ANO3: variants seen among roughly 807,000 people sequenced by gnomAD.
ANO3 encodes anoctamin-3.
Under a neutral mutation model 144.8 loss-of-function variants are expected in ANO3, and 99 were observed. The ratio of observed to expected loss-of-function variants is 0.68; its 90% CI spans 0.58 to 0.81. The LOEUF is 0.81. Ranked by LOEUF, ANO3 falls within the 30% of genes least tolerant of loss-of-function variation. The probability of loss-of-function intolerance (pLI) is 0.00; values close to 1 mark genes in which losing one functional copy is unlikely to be tolerated. For synonymous variants in ANO3, 414 were observed against 392.6 expected (o/e 1.05, Z -0.64); for missense variants, 905 against 1,202.2 (o/e 0.75, Z 3.66).
At chr11:26,606,113 T>C (rs1048648503) in intron 17 of ANO3, among the ~76,000 whole-genome samples, 1 of 152,230 alleles carries the variant, frequency 6.6e-6, no homozygotes, top group Non-Finnish European at 1.5e-5. Flanking sequence ...TTTAGCTGTG[T>C]CCCAGAGATT....
intron 1 of ANO3, among the ~76,000 whole-genome samples, chr11:26,402,219 G>A (rs754928225): frequency 1.3e-5 from 2 of 152,066 alleles, no homozygotes; most frequent in South Asian, 2.1e-4. Context: ...TTACCACATC[G>A]TCTTCCACAG....
rs1251847989 is a variant in ANO3 at position 26,662,704 on chromosome 11, A to G, written c.*2260A>G. ...TGATTTATAAAATGCCTTCTCTGAT[A>G]CTTTTGAAACAGATGTGAAAAACAG... On this transcript the variant is annotated 3_prime_UTR_variant, in exon 27 of 27. Transcript: ENST00000256737. 1.3e-5 allele frequency: 2 copies of G among 152,048 alleles called. No homozygotes were observed. Among genetic ancestry groups the G allele is most frequent in the African/African-American group, 4.8e-5 (2 of 41,432 alleles). The allele number at this position is 152,048 out of a possible 1,614,324, so 9.4% of individuals were successfully genotyped here. A position where few individuals can be genotyped will look rare whatever the true frequency, so the allele number is the denominator to read the frequency against.
At chr11:26,212,131 A>G (rs552006350) in intron 1 of ANO3, among the ~76,000 whole-genome samples, 19 of 152,250 alleles carry the variant, frequency 1.2e-4, no homozygotes, top group African/African-American at 4.6e-4. Flanking sequence ...TGGGTGCAGC[A>G]AACCACAATG....
intron 10 of ANO3, among the ~76,000 whole-genome samples, chr11:26,539,664 T>C (rs1207669097): frequency 2.6e-5 from 4 of 152,188 alleles, no homozygotes; most frequent in African/African-American, 9.7e-5. Context: ...TCAAGGTGTC[T>C]TCTTTCCTTA....
chr11:26,400,623 T>G (rs1857122977), intron 1 of ANO3, among the ~76,000 whole-genome samples: 1 of 151,922 alleles, frequency 6.6e-6, no homozygotes, highest in Non-Finnish European at 1.5e-5. Flanking sequence ...ATATTTTTTC[T>G]TTCATTAATA....
At chr11:26,506,012 AAAAAAGAC>A (rs1463251628) in intron 4 of ANO3, among the ~76,000 whole-genome samples, 4 of 151,182 alleles carry the variant, frequency 2.6e-5, no homozygotes, top group African/African-American at 9.7e-5. Context: ...AAAAAAAAAA[AAAAAAGAC>A]AGCAAATTGA....
chr11:26,302,733 A>G (rs966048249), intron 1 of ANO3, among the ~76,000 whole-genome samples: 1 of 152,202 alleles, frequency 6.6e-6, no homozygotes, highest in African/African-American at 2.4e-5. Context: ...AGCACTTTTA[A>G]TATTCTGTAA....
At chr11:26,486,696 T>C (rs918459902) in intron 4 of ANO3, among the ~76,000 whole-genome samples, 3 of 152,160 alleles carry the variant, frequency 2.0e-5, no homozygotes, top group Admixed American at 6.5e-5. Flanking sequence ...ATACACTAAA[T>C]TGGTATGTTT....
intron 4 of ANO3, among the ~76,000 whole-genome samples, chr11:26,501,856 G>C (rs1317407305): frequency 6.6e-6 from 1 of 152,154 alleles, no homozygotes; most frequent in African/African-American, 2.4e-5. Flanking sequence ...TTTTACAATA[G>C]GGTGCTGGAA....
intron 23 of ANO3, among the ~76,000 whole-genome samples, chr11:26,644,077 C>T (rs1483398743): frequency 6.6e-6 from 1 of 152,186 alleles, no homozygotes; most frequent in Non-Finnish European, 1.5e-5. Context: ...AGCATAAAGG[C>T]ACTAAGACAA....
chr11:26,563,370 A>G (rs1336653924), intron 14 of ANO3: 2 of 1,163,600 alleles, frequency 1.7e-6, no homozygotes, highest in Admixed American at 5.8e-5. Context: ...ACATTTTAAA[A>G]TTAGATAATG....
At chr11:26,290,211 G>C (rs1853923465) in intron 1 of ANO3, among the ~76,000 whole-genome samples, 1 of 152,152 alleles carries the variant, frequency 6.6e-6, no homozygotes, top group Non-Finnish European at 1.5e-5. Flanking sequence ...GGTGTTTATA[G>C]TGTTCTCTGA....
chr11:26,285,855 A>T (rs1007183138), intron 1 of ANO3: 1 of 152,218 alleles, frequency 6.6e-6, no homozygotes, highest in Non-Finnish European at 1.5e-5. Context: ...TGCCATGGAA[A>T]GGTATGAATG....
At chr11:26,376,897 G>A (rs1291310550) in intron 1 of ANO3, among the ~76,000 whole-genome samples, 1 of 152,122 alleles carries the variant, frequency 6.6e-6, no homozygotes, top group Admixed American at 6.6e-5. Flanking sequence ...GCCATGCAAA[G>A]CAGAATTATT....
At chr11:26,447,667 A>ATT (rs200504180) in intron 3 of ANO3, among the ~76,000 whole-genome samples, 2 of 150,358 alleles carry the variant, frequency 1.3e-5, no homozygotes, top group South Asian at 2.1e-4. Flanking sequence ...AATGAGTTTG[A>ATT]TTTTTTTTTT....
At position 26,365,954 on chromosome 11, in the gene ANO3, TTATATATA is replaced by T. The variant is rs1158168765; in HGVS notation, c.46+33675_46+33682del. ...TTCCTCTCCCCAAACCATTTTTTCT[TTATATATA>T]TATATATATATATATATATATATAT... On this transcript the variant is annotated intron_variant, in intron 1 of 26. Transcript: ENST00000256737. 5.5e-3 allele frequency among the ~76,000 whole-genome samples: 301 copies of T among 54,334 alleles called. 2 individuals carry two copies. Among genetic ancestry groups the T allele is most frequent in the African/African-American group, 0.018 (262 of 14,892 alleles). 35.6% of individuals were successfully genotyped at this position (54,334 alleles called of 152,430 possible). A position where few individuals can be genotyped will look rare whatever the true frequency, so the allele number is the denominator to read the frequency against.
intron 24 of ANO3, among the ~76,000 whole-genome samples, chr11:26,652,939 T>C (rs1329709117): frequency 2.0e-5 from 3 of 152,186 alleles, no homozygotes; most frequent in African/African-American, 7.2e-5. Flanking sequence ...CTTTATTCAC[T>C]TGACTTTCAG....
chr11:26,461,384 T>G (rs1325927916), intron 3 of ANO3, among the ~76,000 whole-genome samples: 1 of 152,044 alleles, frequency 6.6e-6, no homozygotes, highest in Non-Finnish European at 1.5e-5. Context: ...TGCCTCACTC[T>G]TTATATCTTT....
intron 2 of ANO3, among the ~76,000 whole-genome samples, chr11:26,443,396 G>A (rs1043187403): frequency 6.6e-6 from 1 of 152,114 alleles, no homozygotes; most frequent in Non-Finnish European, 1.5e-5. Flanking sequence ...GAGGCCAGGA[G>A]TTCGAGACCA....
Sources: gnomAD v4.1 joint callset for allele counts (sites outside exome capture counted in the v4.1 genomes callset) on GRCh38, gnomAD v4.1.1 for gene constraint, MANE v1.5 for transcripts, NCBI Gene and HGNC (gene_info 2026-07-23, HGNC 2026-07-21) for gene names.